Variants in CEP120 observed in about 807,000 individuals in gnomAD.
CEP120 encodes centrosomal protein of 120 kDa.
In CEP120, 113 loss-of-function variants were observed where a neutral mutation model predicts 126.5. That is an observed-to-expected ratio of 0.89 (90% CI 0.77 to 1.04). The LOEUF is 1.04. Among genes scored for constraint, CEP120 ranks in the 50% least tolerant of loss-of-function variants. The pLI is 0.00. For missense variants in CEP120, 1,230 were observed against 1,155.7 expected, an observed-to-expected ratio of 1.06 and a Z score of -0.93; for synonymous variants, 400 against 394.3, an observed-to-expected ratio of 1.01 and a Z score of -0.17.
intron 18 of CEP120, among the ~76,000 whole-genome samples, chr5:123,364,229 AT>A (rs1470466589): frequency 1.3e-5 from 2 of 151,644 alleles, no homozygotes; most frequent in African/African-American, 4.8e-5. Context: ...TGGTTGTTTT[AT>A]AAGTGAAAGT....
chr5:123,346,656 C>T lies in CEP120; in HGVS notation c.2824G>A (p.Asp942Asn), dbSNP rs1580615500. 8.7e-6 allele frequency: 14 copies of T among 1,613,924 alleles called. No homozygotes were observed. In the East Asian group the frequency reaches 2.9e-4, roughly 33 times the overall value. Residue 942 changes from aspartate to asparagine, a missense_variant, in exon 20 of 20, where the codon GAT becomes AAT. Physicochemically the swap from Asp to Asn is conservative, Grantham distance 23 (BLOSUM62 1). Coordinates refer to ENST00000306467, the MANE Select transcript of CEP120 (RefSeq NM_001375405.1). Reference protein sequence around the residue: ...PHGSVLEEGLDDYLTRLIEER... With the variant: ...PHGSVLEEGLNDYLTRLIEER... ...TCTATCAGGCGAGTCAAATAATCATCCAAACCTTCTTCCAATACACTGCCA... is the reference window on the plus strand; with the variant it reads ...TCTATCAGGCGAGTCAAATAATCATTCAAACCTTCTTCCAATACACTGCCA...
intron 18 of CEP120, among the ~76,000 whole-genome samples, chr5:123,350,886 C>A (rs1769157434): frequency 6.6e-6 from 1 of 152,116 alleles, no homozygotes; most frequent in African/African-American, 2.4e-5. Context: ...ACTTATTCAA[C>A]CACTTTCTCA....
At chr5:123,411,267 G>A (rs1251231017) in intron 4 of CEP120, among the ~76,000 whole-genome samples, 1 of 152,194 alleles carries the variant, frequency 6.6e-6, no homozygotes, top group Non-Finnish European at 1.5e-5. Flanking sequence ...GGAAGGCAGT[G>A]TGGATATTTC....
intron 16 of CEP120, among the ~76,000 whole-genome samples, chr5:123,375,612 T>C (rs1282243338): frequency 6.6e-6 from 1 of 152,106 alleles, no homozygotes; most frequent in Non-Finnish European, 1.5e-5. Flanking sequence ...TGTGAACCAC[T>C]GTGCCTGGCT....
rs1774732936 is a variant in CEP120 at position 123,421,759 on chromosome 5, T to TGTTCCTC, written c.49+1190_49+1191insGAGGAAC. Reference sequence around the variant, plus strand: ...CTCATAGCATGGTCAGTTATAAGTCTAAAAACTGTTGTTAACCAAATTTTA... The same window carrying TGTTCCTC: ...CTCATAGCATGGTCAGTTATAAGTCTGTTCCTCAAAAACTGTTGTTAACCAAATTTTA... On this transcript the variant is annotated intron_variant, in intron 1 of 19. Coordinates refer to ENST00000306467, the MANE Select transcript of CEP120 (RefSeq NM_001375405.1). Among the ~76,000 whole-genome samples the TGTTCCTC allele has an allele frequency of 2.0e-5, 3 of 152,228 alleles. No individual in the cohort carries two copies. In the South Asian group the frequency reaches 6.2e-4, roughly 32 times the overall value.
chr5:123,391,219 G>T lies in CEP120; in HGVS notation c.929C>A (p.Thr310Asn), dbSNP rs1308669170. ...TTTGGCTCTGTTTGGAGGGTCAAGGGTAAAAGCACCTTCGACTGTGACTGG... is the reference window on the plus strand; with the variant it reads ...TTTGGCTCTGTTTGGAGGGTCAAGGTTAAAAGCACCTTCGACTGTGACTGG... Reference protein sequence around the residue: ...QHPVTVEGAFTLDPPNRAKQK... With the variant: ...QHPVTVEGAFNLDPPNRAKQK... Residue 310 changes from threonine to asparagine, a missense_variant, in exon 7 of 20, where the codon ACC becomes AAC. Physicochemically the swap from Thr to Asn is moderately conservative, Grantham distance 65 (BLOSUM62 0). Transcript: ENST00000306467. The T allele has an allele frequency of 6.2e-7, 1 of 1,614,124 alleles. No individual in the cohort carries two copies. The highest frequency in any genetic ancestry group is 8.5e-7 in the Non-Finnish European group (1 of 1,180,004).
rs1394637775 is a variant in CEP120 at position 123,388,567 on chromosome 5, G to C, written c.1295C>G (p.Thr432Ser). ...SVPASLAQLV[T>S]TSNASEVASG... ...AGCTACTTCTGAAGCATTGGATGTA[G>C]TCACTAGCTGGGCCAGTGAAGCAGG... is the stretch of plus-strand genomic sequence containing the variant. The change falls in exon 9 of 20, where the codon ACT becomes AGT. Residue 432 changes from threonine (T) to serine (S), a missense_variant. By Grantham distance (58) the Thr-to-Ser change is moderately conservative. Coordinates refer to ENST00000306467, the MANE Select transcript of CEP120 (RefSeq NM_001375405.1). 6.2e-7 allele frequency: 1 copy of C among 1,603,294 alleles called. No individual in the cohort carries two copies. The highest frequency in any genetic ancestry group is 1.8e-5 in the Admixed American group (1 of 56,782).
chr5:123,422,212 T>C (rs1251282732), intron 1 of CEP120, among the ~76,000 whole-genome samples: 1 of 152,198 alleles, frequency 6.6e-6, no homozygotes, highest in African/African-American at 2.4e-5. Flanking sequence ...CCTTCCTTTT[T>C]TCACCTGACA....
In CEP120 at chr5:123,346,298, T is replaced by C. The variant is rs1768809917; in HGVS notation, c.*221A>G. On this transcript the variant is annotated 3_prime_UTR_variant, in exon 20 of 20. Coordinates refer to ENST00000306467, the MANE Select transcript of CEP120 (RefSeq NM_001375405.1). ...AACTATGAAAAACACTGAAAAGTCA[T>C]TTAAAATGAGTATATAAATGCAAAT... 3 of 419,230 alleles carry C rather than the reference T, an allele frequency of 7.2e-6. No homozygotes were observed. Among genetic ancestry groups the C allele is most frequent in the Admixed American group, 8.1e-5 (2 of 24,584 alleles). 26.0% of individuals were successfully genotyped at this position (419,230 alleles called of 1,614,324 possible). A position where few individuals can be genotyped will look rare whatever the true frequency, so the allele number is the denominator to read the frequency against.
rs144689014 is a variant in CEP120 at position 123,410,666 on chromosome 5, C to T, written c.463+1733G>A. On this transcript the variant is annotated intron_variant, in intron 4 of 19. Transcript: ENST00000306467. ...GTGAGTCTAGACACAGACCTTACAACCTTTCCAAAAATTAACTCAGAATGG... is the reference window on the plus strand; with the variant it reads ...GTGAGTCTAGACACAGACCTTACAATCTTTCCAAAAATTAACTCAGAATGG... 7.1e-3 allele frequency among the ~76,000 whole-genome samples: 1,085 copies of T among 152,296 alleles called. 5 individuals carry two copies. Among genetic ancestry groups the T allele is most frequent in the Non-Finnish European group, 0.011 (763 of 68,014 alleles).
At chr5:123,388,154 ATGTT>A (rs1772147276) in intron 9 of CEP120, 1 of 192,086 alleles carries the variant, frequency 5.2e-6, no homozygotes, top group Admixed American at 6.0e-5. Flanking sequence ...CATATTATGT[ATGTT>A]TATCAAAATA....
chr5:123,420,659 C>T (rs1181329699), intron 1 of CEP120, among the ~76,000 whole-genome samples: 1 of 152,106 alleles, frequency 6.6e-6, no homozygotes, highest in African/African-American at 2.4e-5. Context: ...GAAAGATCAT[C>T]CCCAGGGAGT....
At chr5:123,409,690 G>A (rs757842059) in intron 4 of CEP120, among the ~76,000 whole-genome samples, 4 of 152,158 alleles carry the variant, frequency 2.6e-5, no homozygotes, top group African/African-American at 4.8e-5. Context: ...AGGTGTGGTG[G>A]CTCATGCCTG....
Position 123,371,239 on chromosome 5 carries a change from G to T in CEP120, c.2481+1411C>A, listed in dbSNP as rs192903261. Among the ~76,000 whole-genome samples, 36 of 152,140 alleles carry T rather than the reference G, an allele frequency of 2.4e-4. 1 individual carries two copies. Among genetic ancestry groups the T allele is most frequent in the African/African-American group, 6.0e-4 (25 of 41,518 alleles). On this transcript the variant is annotated intron_variant, in intron 17 of 19. Transcript: ENST00000306467. ...CTGATAAAGACAAACCTGAGACTGG[G>T]CAATTTACAAAGGAAAGAGGTTTAA...
chr5:123,409,822 T>A (rs1283342363), intron 4 of CEP120, among the ~76,000 whole-genome samples: 1 of 151,942 alleles, frequency 6.6e-6, no homozygotes, highest in Non-Finnish European at 1.5e-5. Context: ...CCAGGCATGG[T>A]GGCATATACC....
intron 18 of CEP120, among the ~76,000 whole-genome samples, chr5:123,353,007 T>A (rs963669148): frequency 6.6e-6 from 1 of 152,018 alleles, no homozygotes; most frequent in Non-Finnish European, 1.5e-5. Flanking sequence ...TTATTCCTAA[T>A]AGGTCAATGT....
chr5:123,415,568 C>G (rs564857528), intron 3 of CEP120, among the ~76,000 whole-genome samples: 137 of 152,276 alleles, frequency 9.0e-4, no homozygotes, highest in Non-Finnish European at 1.4e-3. Flanking sequence ...AATTCATAAA[C>G]TAAAACATAA....
chr5:123,346,090 C>CAATTG lies in CEP120; in HGVS notation c.*424_*428dup. On this transcript the variant is annotated 3_prime_UTR_variant, in exon 20 of 20. Coordinates refer to ENST00000306467, the MANE Select transcript of CEP120 (RefSeq NM_001375405.1). ...CATCTAAAATGAGTTAAACTGGTTA[C>CAATTG]AATTGGTCTCAACTTTTAAGAATTT... 1 of 155,780 alleles carries CAATTG rather than the reference C, an allele frequency of 6.4e-6. No homozygotes were observed. The highest frequency in any genetic ancestry group is 2.0e-4 in the South Asian group (1 of 5,038). The allele number at this position is 155,780 out of a possible 1,614,324, so 9.6% of individuals were successfully genotyped here.
chr5:123,354,400 A>G (rs1290024636), intron 18 of CEP120, among the ~76,000 whole-genome samples: 1 of 152,132 alleles, frequency 6.6e-6, no homozygotes, highest in Admixed American at 6.6e-5. Flanking sequence ...GTGTTCTAGA[A>G]TATACCAATG....
Sources: gnomAD v4.1 joint callset for allele counts (sites outside exome capture counted in the v4.1 genomes callset) on GRCh38, gnomAD v4.1.1 for gene constraint, MANE v1.5 for transcripts, NCBI Gene and HGNC (gene_info 2026-07-23, HGNC 2026-07-21) for gene names.